The following GPC6 variants were observed in gnomAD, a reference collection of about 807,000 sequenced individuals.
GPC6 encodes the protein glypican 6.
In GPC6, 14 loss-of-function variants were observed where a neutral mutation model predicts 55.2. The ratio of observed to expected loss-of-function variants is 0.25; its 90% CI spans 0.17 to 0.40. GPC6 has a LOEUF of 0.40. GPC6 is among the 10% of genes least tolerant of loss of function. The pLI, the probability that GPC6 is intolerant of heterozygous loss-of-function variation, is 1.00. For missense variants in GPC6, 641 were observed against 708.5 expected (o/e 0.90, Z 1.08); for synonymous variants, 278 against 259.6 (o/e 1.07, Z -0.68).
chr13:93,348,550 C>T (rs1880508567), intron 1 of GPC6, among the ~76,000 whole-genome samples: 1 of 152,146 alleles, frequency 6.6e-6, no homozygotes, highest in African/African-American at 2.4e-5. Flanking sequence ...TCAGGCACTG[C>T]AATCCACATT....
chr13:93,363,128 T>TTG (rs1881105452), intron 1 of GPC6, among the ~76,000 whole-genome samples: 1 of 138,510 alleles, frequency 7.2e-6, no homozygotes, highest in African/African-American at 3.3e-5. Context: ...TTTTTTTTTT[T>TTG]GTTTTTTTTA....
In GPC6 at chr13:94,404,044, T is replaced by A. The variant is rs1881268952; in HGVS notation, c.*827T>A. ...AATTACTAGTAGCTACCCCCATCAA[T>A]TCACCTTCCTCAAGAGTCTCAATTG... is the stretch of plus-strand genomic sequence containing the variant. On this transcript the variant is annotated 3_prime_UTR_variant, in exon 9 of 9. Coordinates refer to ENST00000377047, the MANE Select transcript of GPC6 (RefSeq NM_005708.5). 1 of 152,218 alleles carries A rather than the reference T, an allele frequency of 6.6e-6. No individual in the cohort carries two copies. Among genetic ancestry groups the A allele is most frequent in the South Asian group, 2.1e-4 (1 of 4,830 alleles). 9.4% of individuals were successfully genotyped at this position (152,218 alleles called of 1,614,324 possible).
At chr13:93,359,231 G>A (rs1221913568) in intron 1 of GPC6, among the ~76,000 whole-genome samples, 2 of 152,078 alleles carry the variant, frequency 1.3e-5, no homozygotes, top group Non-Finnish European at 2.9e-5. Flanking sequence ...TTCCCAAAGT[G>A]CCAGGATTAC....
intron 1 of GPC6, among the ~76,000 whole-genome samples, chr13:93,443,301 A>T (rs1176778704): frequency 4.0e-5 from 6 of 151,784 alleles, no homozygotes; most frequent in South Asian, 4.2e-4. Context: ...TTATGAATAA[A>T]TTTTTTTTTC....
intron 1 of GPC6, among the ~76,000 whole-genome samples, chr13:93,294,132 A>G (rs558895626): frequency 4.6e-5 from 7 of 152,300 alleles, no homozygotes; most frequent in South Asian, 4.1e-4. Flanking sequence ...TTTTCTATTC[A>G]CTATTTGGAT....
At chr13:93,994,022 C>T (rs937281200) in intron 3 of GPC6, among the ~76,000 whole-genome samples, 1 of 152,068 alleles carries the variant, frequency 6.6e-6, no homozygotes, top group Admixed American at 6.6e-5. Flanking sequence ...GCCACAGCAG[C>T]CTACTACAGT....
At chr13:93,886,642 G>T (rs1241364095) in intron 3 of GPC6, among the ~76,000 whole-genome samples, 3 of 152,006 alleles carry the variant, frequency 2.0e-5, no homozygotes, top group East Asian at 3.9e-4. Flanking sequence ...GTCCTTCATT[G>T]CATAATGTCT....
intron 1 of GPC6, among the ~76,000 whole-genome samples, chr13:93,263,095 G>A (rs937499468): frequency 4.6e-5 from 7 of 152,112 alleles, no homozygotes; most frequent in African/African-American, 1.7e-4. Context: ...CAACAAATAT[G>A]GGTGTTCTGG....
chr13:93,696,037 G>T (rs1882440110), intron 2 of GPC6, among the ~76,000 whole-genome samples: 1 of 152,136 alleles, frequency 6.6e-6, no homozygotes, highest in Non-Finnish European at 1.5e-5. Flanking sequence ...CTAACAGCAT[G>T]TAGAAAGACT....
At chr13:93,676,700 G>A (rs1214606243) in intron 2 of GPC6, among the ~76,000 whole-genome samples, 1 of 152,114 alleles carries the variant, frequency 6.6e-6, no homozygotes, top group African/African-American at 2.4e-5. Context: ...CCTCCTCTTA[G>A]GGAGTGTGTT....
chr13:93,564,973 A>G (rs1876016900), intron 2 of GPC6, among the ~76,000 whole-genome samples: 1 of 152,220 alleles, frequency 6.6e-6, no homozygotes, highest in African/African-American at 2.4e-5. Flanking sequence ...CTGAAACCTT[A>G]GATAGTAAAA....
chr13:93,368,253 C>T (rs200099568), intron 1 of GPC6, among the ~76,000 whole-genome samples: 1 of 151,052 alleles, frequency 6.6e-6, no homozygotes, highest in African/African-American at 2.4e-5. Flanking sequence ...CCTCCCTACT[C>T]CTTTGCCTCC....
At chr13:93,775,660 G>A (rs1345629053) in intron 2 of GPC6, among the ~76,000 whole-genome samples, 1 of 152,138 alleles carries the variant, frequency 6.6e-6, no homozygotes, top group Non-Finnish European at 1.5e-5. Flanking sequence ...TGAAAGCTCA[G>A]GGTTGATGAC....
In GPC6 at chr13:93,949,899, G is replaced by A. The variant is rs189173422; in HGVS notation, c.712-77830G>A. Among the ~76,000 whole-genome samples, 4 of 152,022 alleles carry A rather than the reference G, an allele frequency of 2.6e-5. No homozygotes were observed. In the East Asian group the frequency reaches 7.8e-4, roughly 29 times the overall value. On this transcript the variant is annotated intron_variant, in intron 3 of 8. Coordinates refer to ENST00000377047, the MANE Select transcript of GPC6 (RefSeq NM_005708.5). ...ATACCACCACCCCCGGCTGATTTTT[G>A]TATTTTTTGTAGAGCCAGGGGTTTT...
At chr13:93,863,675 T>C (rs1888880230) in intron 3 of GPC6, among the ~76,000 whole-genome samples, 1 of 151,628 alleles carries the variant, frequency 6.6e-6, no homozygotes, top group Admixed American at 6.6e-5. Flanking sequence ...ATCATAAACT[T>C]CTCCTCTGTA....
In GPC6 at chr13:93,460,511, G is replaced by A. The variant is rs1054196550; in HGVS notation, c.161-84752G>A. ...TAATACTGTATTTAATGATGATGAC[G>A]ATTATTTAAAAATCATTTTCTACTT... is the stretch of plus-strand genomic sequence containing the variant. On this transcript the variant is annotated intron_variant, in intron 1 of 8. Coordinates refer to ENST00000377047, the MANE Select transcript of GPC6 (RefSeq NM_005708.5). Among the ~76,000 whole-genome samples, 9 of 152,154 alleles carry A rather than the reference G, an allele frequency of 5.9e-5. No individual in the cohort carries two copies. The South Asian group carries it at 1.9e-3, about 32-fold the overall frequency.
chr13:94,186,912 T>TCA (rs1210223564), intron 4 of GPC6: 1 of 152,250 alleles, frequency 6.6e-6, no homozygotes, highest in Non-Finnish European at 1.5e-5. Flanking sequence ...TTACGAAGGT[T>TCA]CGATTCTTGA....
chr13:94,067,454 A>G (rs1179021515), intron 4 of GPC6, among the ~76,000 whole-genome samples: 3 of 151,210 alleles, frequency 2.0e-5, no homozygotes, highest in Non-Finnish European at 4.4e-5. Context: ...TGGTCATGAA[A>G]CATAGGCCTC....
At chr13:93,590,609 A>G (rs902187975) in intron 2 of GPC6, among the ~76,000 whole-genome samples, 13 of 152,186 alleles carry the variant, frequency 8.5e-5, no homozygotes, top group African/African-American at 2.4e-4. Flanking sequence ...TTTTAAAAAA[A>G]GCATATTTAT....
Sources: gnomAD v4.1 joint callset for allele counts (sites outside exome capture counted in the v4.1 genomes callset) on GRCh38, gnomAD v4.1.1 for gene constraint, MANE v1.5 for transcripts, NCBI Gene and HGNC (gene_info 2026-07-23, HGNC 2026-07-21) for gene names.